THSD7B: variants seen among roughly 807,000 people sequenced by gnomAD.
THSD7B encodes the protein thrombospondin type 1 domain containing 7B.
Under a neutral mutation model 213.6 loss-of-function variants are expected in THSD7B, and 138 were observed. The ratio of observed to expected loss-of-function variants is 0.65; its 90% CI spans 0.56 to 0.74. The LOEUF is 0.74. Ranked by LOEUF, THSD7B falls within the 30% of genes least tolerant of loss-of-function variation. THSD7B has a pLI of 0.00. For synonymous variants in THSD7B, 742 were observed against 687.0 expected, an observed-to-expected ratio of 1.08 and a Z score of -1.25; for missense variants, 1,931 against 1,991.5, an observed-to-expected ratio of 0.97 and a Z score of 0.58.
intron 15 of THSD7B, among the ~76,000 whole-genome samples, chr2:137,529,404 C>T (rs1174700880): frequency 6.6e-6 from 1 of 151,974 alleles, no homozygotes; most frequent in Non-Finnish European, 1.5e-5. Context: ...AATATAAGGG[C>T]TCTATGTGCT....
At chr2:136,966,125 A>G (rs571415404) in intron 2 of THSD7B, among the ~76,000 whole-genome samples, 2 of 152,198 alleles carry the variant, frequency 1.3e-5, no homozygotes, top group Non-Finnish European at 2.9e-5. Flanking sequence ...TCTTTCTCAC[A>G]GTGGTCTCAG....
chr2:137,301,523 G>C (rs1683600306), intron 12 of THSD7B, among the ~76,000 whole-genome samples: 1 of 152,040 alleles, frequency 6.6e-6, no homozygotes, highest in Admixed American at 6.6e-5. Flanking sequence ...AACTGAATCA[G>C]GAGAGGAGGA....
Position 137,160,348 on chromosome 2 carries a change from A to G in THSD7B, c.1505A>G (p.His502Arg), listed in dbSNP as rs561979990. 6 of 1,613,326 alleles carry G rather than the reference A, an allele frequency of 3.7e-6. No individual in the cohort carries two copies. The highest frequency in any genetic ancestry group is 5.1e-6 in the Non-Finnish European group (6 of 1,179,580). The change falls in exon 6 of 28, where the codon CAT becomes CGT. Residue 502 changes from histidine (H) to arginine (R), a missense_variant. Physicochemically the swap from His to Arg is conservative, Grantham distance 29. Coordinates refer to ENST00000409968, the MANE Select transcript of THSD7B (RefSeq NM_001316349.2). ...AWGLCIHENC[H>R]DPQGKKGFRT... ...GGCCTGTGCATCCATGAAAACTGTC[A>G]TGATCCTCAGGGGAAAAAAGGTGAG...
At chr2:137,271,503 C>CAT (rs1682739751) in intron 10 of THSD7B, among the ~76,000 whole-genome samples, 1 of 144,222 alleles carries the variant, frequency 6.9e-6, no homozygotes, top group Non-Finnish European at 1.5e-5. Context: ...ATTATTCATT[C>CAT]ATATATATAT....
intron 2 of THSD7B, among the ~76,000 whole-genome samples, chr2:136,947,822 C>G (rs897583836): frequency 6.7e-6 from 1 of 150,214 alleles, no homozygotes; most frequent in African/African-American, 2.5e-5. Context: ...TTTCTCTGGT[C>G]TCTGGTTAAG....
intron 1 of THSD7B, among the ~76,000 whole-genome samples, chr2:136,794,432 A>C (rs905548589): frequency 1.3e-5 from 2 of 151,786 alleles, no homozygotes; most frequent in African/African-American, 4.8e-5. Context: ...AACATTTTGT[A>C]ATTTCATTTT....
At chr2:137,463,515 C>G (rs1375710086) in intron 15 of THSD7B, among the ~76,000 whole-genome samples, 1 of 152,032 alleles carries the variant, frequency 6.6e-6, no homozygotes, top group African/African-American at 2.4e-5. Flanking sequence ...ATCACTCCCC[C>G]CATTTACCCT....
At chr2:137,089,163 A>C (rs1042188704) in intron 3 of THSD7B, among the ~76,000 whole-genome samples, 8 of 151,884 alleles carry the variant, frequency 5.3e-5, no homozygotes, top group African/African-American at 1.9e-4. Flanking sequence ...TTGCACATGC[A>C]TGTTTACAGC....
intron 2 of THSD7B, among the ~76,000 whole-genome samples, chr2:136,917,340 A>G (rs1338213352): frequency 6.6e-6 from 1 of 152,220 alleles, no homozygotes; most frequent in African/African-American, 2.4e-5. Flanking sequence ...TATTTAGCTT[A>G]CAAAATAGCA....
At chr2:137,063,673 C>A (rs62171232) in intron 3 of THSD7B, among the ~76,000 whole-genome samples, 17,348 of 152,072 alleles carry the variant, frequency 0.11, 1,020 homozygotes, top group East Asian at 0.18. Flanking sequence ...TCCCCAATCA[C>A]CACTACTTTT....
chr2:136,971,639 T>TATAC, intron 2 of THSD7B, among the ~76,000 whole-genome samples: 1 of 135,356 alleles, frequency 7.4e-6, no homozygotes, highest in African/African-American at 2.7e-5. Context: ...CAACAACAAA[T>TATAC]ACACACACAC....
intron 15 of THSD7B, among the ~76,000 whole-genome samples, chr2:137,476,512 G>A (rs915769722): frequency 1.3e-5 from 2 of 152,060 alleles, no homozygotes; most frequent in Non-Finnish European, 2.9e-5. Context: ...AGAGATAGGG[G>A]TCTAGATTAA....
intron 2 of THSD7B, among the ~76,000 whole-genome samples, chr2:136,997,599 G>A (rs1252565004): frequency 6.6e-6 from 1 of 152,178 alleles, no homozygotes; most frequent in Admixed American, 6.5e-5. Flanking sequence ...ATGTGATAAA[G>A]CCCTTAGGCT....
At chr2:136,833,916 A>G (rs1233347501) in intron 1 of THSD7B, among the ~76,000 whole-genome samples, 1 of 152,186 alleles carries the variant, frequency 6.6e-6, no homozygotes, top group Non-Finnish European at 1.5e-5. Context: ...CTCATCTAAA[A>G]TGCATGGCAT....
intron 14 of THSD7B, among the ~76,000 whole-genome samples, chr2:137,448,800 A>AAAC (rs147631065): frequency 0.067 from 9,710 of 144,944 alleles, 334 homozygotes; most frequent in Middle Eastern, 0.11. Context: ...CTCCATCTCA[A>AAAC]AACAACAACA....
At chr2:137,403,844 G>A (rs112674124) in intron 12 of THSD7B, among the ~76,000 whole-genome samples, 2,178 of 152,240 alleles carry the variant, frequency 0.014, 43 homozygotes, top group African/African-American at 0.05. Flanking sequence ...TAAGAGGGGT[G>A]GATGCTACTG....
intron 1 of THSD7B, among the ~76,000 whole-genome samples, chr2:136,812,599 C>T (rs1039842801): frequency 2.0e-5 from 3 of 152,094 alleles, no homozygotes; most frequent in Non-Finnish European, 4.4e-5. Flanking sequence ...TATACAATGT[C>T]CTATTTACTC....
intron 2 of THSD7B, among the ~76,000 whole-genome samples, chr2:136,890,459 TC>T (rs1558840222): frequency 0.055 from 92 of 1,662 alleles, 39 homozygotes; most frequent in South Asian, 0.38. Flanking sequence ...TTCTTCTTCT[TC>T]TCCTTTCTTC....
At chr2:137,602,676 G>A (rs150494937) in intron 17 of THSD7B, among the ~76,000 whole-genome samples, 4 of 152,182 alleles carry the variant, frequency 2.6e-5, no homozygotes, top group African/African-American at 9.7e-5. Flanking sequence ...AAAAGCATCA[G>A]TGGTGGGGGA....
Sources: allele counts gnomAD v4.1 joint callset (sites outside exome capture counted in the v4.1 genomes callset), GRCh38; gene constraint gnomAD v4.1.1; transcripts MANE v1.5; gene names NCBI Gene and HGNC (gene_info 2026-07-23, HGNC 2026-07-21).